Variants in RORB observed in about 807,000 individuals in gnomAD.
The protein encoded by RORB is nuclear receptor ROR-beta.
In RORB, 6 loss-of-function variants were observed where a neutral mutation model predicts 59.1. The observed-to-expected ratio is 0.10, with a 90% CI of 0.06 to 0.20. The LOEUF is 0.20. RORB is among the 10% of genes least tolerant of loss of function. The pLI is 1.00. For missense variants in RORB, 320 were observed against 560.5 expected (o/e 0.57, Z 4.33); for synonymous variants, 215 against 204.5 (o/e 1.05, Z -0.44).
At chr9:74,617,010 C>A (rs991730149) in intron 1 of RORB, among the ~76,000 whole-genome samples, 1 of 151,598 alleles carries the variant, frequency 6.6e-6, no homozygotes, top group East Asian at 1.9e-4. Context: ...AAAGTTCCTA[C>A]GGTAGAATAC....
At chr9:74,584,130 G>A (rs772909870) in intron 1 of RORB, among the ~76,000 whole-genome samples, 6 of 152,192 alleles carry the variant, frequency 3.9e-5, no homozygotes, top group Admixed American at 3.9e-4. Context: ...TTAATATCAT[G>A]AAATAGGCTA....
rs147856390 is a variant in RORB at position 74,625,389 on chromosome 9, G to A, written c.8-4893G>A. On this transcript the variant is annotated intron_variant, in intron 1 of 9. Coordinates refer to ENST00000376896, the MANE Select transcript of RORB (RefSeq NM_006914.4). The stretch of plus-strand genomic sequence containing the variant: ...AGCCCTTTGGGAGGGCAAGGCAAGC[G>A]GATCACTTGGGGCCAGAAGTTAGAG... 7.2e-5 allele frequency among the ~76,000 whole-genome samples: 11 copies of A among 152,270 alleles called. No individual in the cohort carries two copies. In the East Asian group the frequency reaches 1.5e-3, roughly 21 times the overall value.
At chr9:74,539,721 CA>C (rs1287283691) in intron 1 of RORB, among the ~76,000 whole-genome samples, 3 of 151,972 alleles carry the variant, frequency 2.0e-5, no homozygotes, top group African/African-American at 7.3e-5. Context: ...TAAAGAATGG[CA>C]GGGAAGACAG....
chr9:74,659,339 T>C (rs1824141561), intron 4 of RORB, among the ~76,000 whole-genome samples: 2 of 152,148 alleles, frequency 1.3e-5, no homozygotes, highest in Non-Finnish European at 2.9e-5. Flanking sequence ...GGGTTGGCCA[T>C]TTAGAAAGAA....
intron 4 of RORB, among the ~76,000 whole-genome samples, chr9:74,653,948 C>CA (rs1824036742): frequency 6.6e-6 from 1 of 152,164 alleles, no homozygotes; most frequent in Admixed American, 6.5e-5. Context: ...ATAAACAAGA[C>CA]ATCGTCACCT....
intron 1 of RORB, among the ~76,000 whole-genome samples, chr9:74,577,799 C>T (rs1186522828): frequency 6.6e-6 from 1 of 151,956 alleles, no homozygotes; most frequent in Non-Finnish European, 1.5e-5. Flanking sequence ...TAAATGAAAA[C>T]CTGTATAAAA....
At chr9:74,520,358 C>A (rs1826068046) in intron 1 of RORB, among the ~76,000 whole-genome samples, 2 of 151,810 alleles carry the variant, frequency 1.3e-5, no homozygotes, top group African/African-American at 4.8e-5. Flanking sequence ...GGCAGACTGA[C>A]TGAAAGAAAA....
At chr9:74,681,643 T>G (rs185282656) in intron 9 of RORB, among the ~76,000 whole-genome samples, 1 of 151,784 alleles carries the variant, frequency 6.6e-6, no homozygotes, top group Admixed American at 6.6e-5. Context: ...AAATCCCAGT[T>G]TTTTTCCCAG....
intron 9 of RORB, among the ~76,000 whole-genome samples, chr9:74,681,319 C>G (rs1000262623): frequency 5.3e-5 from 8 of 152,232 alleles, no homozygotes; most frequent in African/African-American, 1.9e-4. Context: ...CTCTCTACAC[C>G]AGGCCCTTCT....
At chr9:74,519,264 G>C (rs942527817) in intron 1 of RORB, among the ~76,000 whole-genome samples, 2 of 152,056 alleles carry the variant, frequency 1.3e-5, no homozygotes, top group African/African-American at 4.8e-5. Flanking sequence ...CTGAGGGCTA[G>C]TTGGAGTGTG....
At chr9:74,634,432 A>AATGGG (rs1823669641) in intron 2 of RORB, among the ~76,000 whole-genome samples, 199 bp from the exon 3 acceptor site, 1 of 152,246 alleles carries the variant, frequency 6.6e-6, no homozygotes, top group Non-Finnish European at 1.5e-5. Context: ...TAAATGAATG[A>AATGGG]TACCCTCATA....
In RORB at chr9:74,690,569, C is replaced by T. The variant is rs1410368628; in HGVS notation, c.*4951C>T. The T allele has an allele frequency of 6.6e-6, 1 of 152,234 alleles. No individual in the cohort carries two copies. Among genetic ancestry groups the T allele is most frequent in the Admixed American group, 6.5e-5 (1 of 15,278 alleles). 9.4% of individuals were successfully genotyped at this position (152,234 alleles called of 1,614,324 possible). On this transcript the variant is annotated 3_prime_UTR_variant, in exon 10 of 10. Coordinates refer to ENST00000376896, the MANE Select transcript of RORB (RefSeq NM_006914.4). ...CAGAAGAGGGCCCATAGATCGTCAGCTTGCAGCCTCTGGTTTAAAGCAAAA... is the reference window on the plus strand; with the variant it reads ...CAGAAGAGGGCCCATAGATCGTCAGTTTGCAGCCTCTGGTTTAAAGCAAAA...
At chr9:74,604,154 T>C (rs1823113984) in intron 1 of RORB, among the ~76,000 whole-genome samples, 1 of 152,256 alleles carries the variant, frequency 6.6e-6, no homozygotes, top group Non-Finnish European at 1.5e-5. Context: ...AGGCAGGACA[T>C]ATCCAATGCT....
intron 1 of RORB, among the ~76,000 whole-genome samples, chr9:74,520,926 A>T (rs1826077535): frequency 6.6e-6 from 1 of 151,944 alleles, no homozygotes; most frequent in South Asian, 2.1e-4. Flanking sequence ...GTGATTTAAC[A>T]GATTAATTAA....
chr9:74,620,289 G>A (rs1246576093), intron 1 of RORB, among the ~76,000 whole-genome samples: 1 of 152,170 alleles, frequency 6.6e-6, no homozygotes, highest in African/African-American at 2.4e-5. Context: ...ATGTGTCGAG[G>A]AATTTATCCA....
intron 9 of RORB, among the ~76,000 whole-genome samples, chr9:74,682,819 T>G (rs559325668): frequency 5.6e-4 from 85 of 152,342 alleles, no homozygotes; most frequent in African/African-American, 2.0e-3. Context: ...CTCAAACTCC[T>G]GGCTTCAAGC....
chr9:74,667,670 T>A, intron 7 of RORB, 121 bp from the exon 8 acceptor site: 1 of 588,130 alleles, frequency 1.7e-6, no homozygotes, highest in Non-Finnish European at 3.0e-6. Context: ...CTTAAAAAAA[T>A]ATCTTTTCTA....
In RORB at chr9:74,688,782, C is replaced by A. The variant is rs574830502; in HGVS notation, c.*3164C>A. The A allele has an allele frequency of 6.6e-6, 1 of 152,284 alleles. No homozygotes were observed. The highest frequency in any genetic ancestry group is 2.4e-5 in the African/African-American group (1 of 41,570). 9.4% of individuals were successfully genotyped at this position (152,284 alleles called of 1,614,324 possible). Reference sequence around the variant, plus strand: ...AAAAGTTGCACCCAAGTAAGGACAACTTGGTCTCATTTTCTAAACTCTGCT... The same window carrying A: ...AAAAGTTGCACCCAAGTAAGGACAAATTGGTCTCATTTTCTAAACTCTGCT... On this transcript the variant is annotated 3_prime_UTR_variant, in exon 10 of 10. Coordinates refer to ENST00000376896, the MANE Select transcript of RORB (RefSeq NM_006914.4).
intron 1 of RORB, among the ~76,000 whole-genome samples, chr9:74,552,836 G>T (rs1826633773): frequency 6.6e-6 from 1 of 152,024 alleles, no homozygotes; most frequent in Non-Finnish European, 1.5e-5. Context: ...AATAATAAGT[G>T]CTATGCCGTT....
Sources: allele counts gnomAD v4.1 joint callset (sites outside exome capture counted in the v4.1 genomes callset), GRCh38; gene constraint gnomAD v4.1.1; transcripts MANE v1.5; gene names NCBI Gene and HGNC (gene_info 2026-07-23, HGNC 2026-07-21).